AGBL4: variants seen among roughly 807,000 people sequenced by gnomAD.
The protein encoded by AGBL4 is cytosolic carboxypeptidase 6.
In AGBL4, 58 loss-of-function variants were observed where a neutral mutation model predicts 66.4. The ratio of observed to expected loss-of-function variants is 0.87; its 90% CI spans 0.71 to 1.09. The LOEUF (loss-of-function observed/expected upper bound fraction) is 1.09. Among genes scored for constraint, AGBL4 ranks in the 50% least tolerant of loss-of-function variants. AGBL4 has a pLI of 0.00. For synonymous variants in AGBL4, 234 were observed against 222.9 expected, an observed-to-expected ratio of 1.05 and a Z score of -0.44; for missense variants, 579 against 631.0, an observed-to-expected ratio of 0.92 and a Z score of 0.88.
intron 5 of AGBL4, among the ~76,000 whole-genome samples, chr1:48,994,132 C>A (rs1660825846): frequency 6.6e-6 from 1 of 151,698 alleles, no homozygotes; most frequent in Non-Finnish European, 1.5e-5. Flanking sequence ...TCATTTTCTA[C>A]TTCTTTCCCA....
chr1:48,549,602 T>C (rs1280210183), intron 11 of AGBL4, among the ~76,000 whole-genome samples: 1 of 150,956 alleles, frequency 6.6e-6, no homozygotes, highest in African/African-American at 2.4e-5. Flanking sequence ...GAGATGCAAA[T>C]GGACAGGAAA....
At chr1:49,729,807 A>C (rs567424323) in intron 2 of AGBL4, among the ~76,000 whole-genome samples, 47 of 152,272 alleles carry the variant, frequency 3.1e-4, no homozygotes, top group Admixed American at 2.5e-3. Context: ...AATGAGATAT[A>C]TTGATAGCAG....
downstream of AGBL4, among the ~76,000 whole-genome samples, chr1:48,529,984 AT>A (rs1382830305): frequency 6.6e-6 from 1 of 151,620 alleles, no homozygotes; most frequent in Non-Finnish European, 1.5e-5. Context: ...ATCATTACAC[AT>A]TTTTCCCAGC....
chr1:49,568,658 A>C (rs1418155312), intron 3 of AGBL4, among the ~76,000 whole-genome samples: 1 of 152,192 alleles, frequency 6.6e-6, no homozygotes, highest in Non-Finnish European at 1.5e-5. Flanking sequence ...AACAAAAAGT[A>C]TTTTAAAATT....
chr1:49,085,502 A>G (rs1012431564), intron 4 of AGBL4, among the ~76,000 whole-genome samples: 2 of 151,952 alleles, frequency 1.3e-5, no homozygotes, highest in East Asian at 1.9e-4. Context: ...ATATCTATCT[A>G]GGAGTTGGGT....
chr1:49,413,667 C>T lies in AGBL4; in HGVS notation c.283-167803G>A, dbSNP rs1186794777. On this transcript the variant is annotated intron_variant, in intron 3 of 13. Transcript: ENST00000371839. ...GATCTGGCCAAATGCAGGTCAGATT[C>T]AGTAACCCTGATCATCGCTGGGCTT... 3.9e-5 allele frequency among the ~76,000 whole-genome samples: 6 copies of T among 152,190 alleles called. No homozygotes were observed. The East Asian group carries it at 7.7e-4, about 20-fold the overall frequency.
intron 4 of AGBL4, among the ~76,000 whole-genome samples, chr1:49,048,597 G>T (rs754771590): frequency 6.6e-5 from 10 of 152,072 alleles, no homozygotes; most frequent in Admixed American, 1.3e-4. Flanking sequence ...GTAATGCAAA[G>T]AATAAAGCAA....
chr1:48,807,520 C>T (rs908525530), intron 6 of AGBL4, among the ~76,000 whole-genome samples: 1 of 152,160 alleles, frequency 6.6e-6, no homozygotes, highest in African/African-American at 2.4e-5. Flanking sequence ...GCACGAGCCT[C>T]CCTGTGAGAG....
intron 1 of AGBL4, among the ~76,000 whole-genome samples, chr1:49,982,645 TG>T (rs1659155087): frequency 6.6e-6 from 1 of 152,070 alleles, no homozygotes; most frequent in East Asian, 1.9e-4. Context: ...TGGACCAGAG[TG>T]GGGACTTACG....
chr1:48,575,462 C>G (rs1644638077), intron 11 of AGBL4, among the ~76,000 whole-genome samples: 1 of 152,150 alleles, frequency 6.6e-6, no homozygotes, highest in South Asian at 2.1e-4. Context: ...ACTCATCCTG[C>G]CCGCTGCTGC....
chr1:48,996,191 CT>C (rs1306489426), intron 5 of AGBL4, among the ~76,000 whole-genome samples: 5 of 152,148 alleles, frequency 3.3e-5, no homozygotes, highest in African/African-American at 1.2e-4. Flanking sequence ...TTCATTTTGA[CT>C]TGCCTATTTG....
intron 5 of AGBL4, among the ~76,000 whole-genome samples, chr1:48,941,735 C>T (rs962141669): frequency 1.3e-5 from 2 of 152,124 alleles, no homozygotes; most frequent in Non-Finnish European, 2.9e-5. Context: ...TTCATGTTAT[C>T]TCATTTCATC....
chr1:48,896,757 A>C (rs536771457), intron 5 of AGBL4, among the ~76,000 whole-genome samples: 5 of 125,708 alleles, frequency 4.0e-5, no homozygotes, highest in African/African-American at 1.4e-4. Context: ...AAAGGTAGAG[A>C]ATATAATTTT....
At chr1:49,992,692 G>T (rs941244140) in intron 1 of AGBL4, among the ~76,000 whole-genome samples, 1 of 152,084 alleles carries the variant, frequency 6.6e-6, no homozygotes, top group Admixed American at 6.6e-5. Context: ...GAGTGACCCT[G>T]ACACAAATTC....
chr1:48,672,654 A>T (rs1646295294), intron 6 of AGBL4, among the ~76,000 whole-genome samples: 1 of 152,186 alleles, frequency 6.6e-6, no homozygotes. Context: ...GCCCGCTCTC[A>T]ACCTGTTTTC....
intron 3 of AGBL4, among the ~76,000 whole-genome samples, chr1:49,422,809 C>T (rs1359703425): frequency 6.6e-6 from 1 of 152,106 alleles, no homozygotes; most frequent in African/African-American, 2.4e-5. Flanking sequence ...ACTAAGCTCC[C>T]CTCTTCTTCT....
intron 1 of AGBL4, among the ~76,000 whole-genome samples, chr1:49,872,462 T>C (rs558528883): frequency 4.5e-4 from 69 of 152,242 alleles, no homozygotes; most frequent in African/African-American, 1.2e-3. Context: ...TAGAAAACTT[T>C]GCCATATCTC....
intron 2 of AGBL4, among the ~76,000 whole-genome samples, chr1:49,701,509 T>C (rs983418323): frequency 6.6e-6 from 1 of 152,024 alleles, no homozygotes; most frequent in African/African-American, 2.4e-5. Context: ...ACAACAAATA[T>C]GTGCAGCTTT....
chr1:49,064,847 C>T (rs182502306), intron 4 of AGBL4, among the ~76,000 whole-genome samples: 6 of 152,220 alleles, frequency 3.9e-5, no homozygotes, highest in East Asian at 3.9e-4. Flanking sequence ...TTATATTAAA[C>T]GCATAGCAAA....
Sources: allele counts gnomAD v4.1 joint callset (sites outside exome capture counted in the v4.1 genomes callset), GRCh38; gene constraint gnomAD v4.1.1; transcripts MANE v1.5; gene names NCBI Gene and HGNC (gene_info 2026-07-23, HGNC 2026-07-21).